Variants in PHF21B observed in about 807,000 individuals in gnomAD.
The protein encoded by PHF21B is PHD finger protein 21B.
PHF21B carries 22 observed loss-of-function variants against 62.2 expected under a neutral mutation model. The ratio of observed to expected loss-of-function variants is 0.35; its 90% CI spans 0.25 to 0.51. PHF21B has a LOEUF of 0.51. PHF21B is among the 20% of genes least tolerant of loss of function. The pLI, the probability that PHF21B is intolerant of heterozygous loss-of-function variation, is 0.97. For synonymous variants in PHF21B, 341 were observed against 314.7 expected, an observed-to-expected ratio of 1.08 and a Z score of -0.88; for missense variants, 701 against 707.9, an observed-to-expected ratio of 0.99 and a Z score of 0.11.
chr22:44,950,507 C>T (rs568414693), intron 2 of PHF21B, among the ~76,000 whole-genome samples: 100 of 152,306 alleles, frequency 6.6e-4, no homozygotes, highest in African/African-American at 2.1e-3. Flanking sequence ...CTAAGAGTGA[C>T]GCTCTCAGTG....
At chr22:45,007,400 T>A (rs1353535102) in intron 2 of PHF21B, among the ~76,000 whole-genome samples, 1 of 144,242 alleles carries the variant, frequency 6.9e-6, no homozygotes, top group Non-Finnish European at 1.5e-5. Flanking sequence ...GGGCGTCCGA[T>A]CCGGCGGCCC....
chr22:44,994,485 T>C (rs2073089281), intron 2 of PHF21B, among the ~76,000 whole-genome samples: 1 of 151,900 alleles, frequency 6.6e-6, no homozygotes, highest in African/African-American at 2.4e-5. Context: ...CCGGAGGGAG[T>C]GCGGCCCTGC....
At chr22:44,942,920 T>C (rs890991676) in intron 2 of PHF21B, among the ~76,000 whole-genome samples, 3 of 149,228 alleles carry the variant, frequency 2.0e-5, no homozygotes, top group Non-Finnish European at 4.4e-5. Context: ...TGTGACTCAG[T>C]GAAGAAAGGG....
At chr22:44,988,877 C>A (rs1164868255) in intron 2 of PHF21B, among the ~76,000 whole-genome samples, 1 of 152,234 alleles carries the variant, frequency 6.6e-6, no homozygotes, top group Non-Finnish European at 1.5e-5. Context: ...AGGGCCCCAG[C>A]AGATGGCAGT....
At chr22:44,888,987 T>C (rs1169431069) in intron 9 of PHF21B, among the ~76,000 whole-genome samples, 1 of 152,172 alleles carries the variant, frequency 6.6e-6, no homozygotes, top group Non-Finnish European at 1.5e-5. Flanking sequence ...CCGCCCTGGA[T>C]GGGCACAAGA....
intron 5 of PHF21B, among the ~76,000 whole-genome samples, chr22:44,907,471 G>A (rs556409698): frequency 4.6e-5 from 7 of 152,314 alleles, no homozygotes; most frequent in South Asian, 2.1e-4. Flanking sequence ...TGCCTGGTGC[G>A]GAGTGGGGCG....
intron 5 of PHF21B, among the ~76,000 whole-genome samples, chr22:44,906,855 G>T (rs919763346): frequency 3.9e-5 from 6 of 152,180 alleles, no homozygotes; most frequent in African/African-American, 1.4e-4. Context: ...TCAGAGTGGG[G>T]TGATGGCCAC....
intron 2 of PHF21B, among the ~76,000 whole-genome samples, chr22:44,923,331 C>CAAAAAAAAAAA (rs34100382): frequency 8.0e-6 from 1 of 125,104 alleles, no homozygotes; most frequent in African/African-American, 2.9e-5. Flanking sequence ...CATACCATAT[C>CAAAAAAAAAAA]AAAAAAAAAA....
Position 45,009,441 on chromosome 22 carries a change from C to T in PHF21B, c.54+55G>A. ...AGGATGCTGGGCTCGGGTCCCCCGACCCCCTCACCCCGCAACACACTCCCC... is the reference window on the plus strand; with the variant it reads ...AGGATGCTGGGCTCGGGTCCCCCGATCCCCTCACCCCGCAACACACTCCCC... On this transcript the variant is annotated intron_variant, in intron 1 of 12. Coordinates refer to ENST00000313237, the MANE Select transcript of PHF21B (RefSeq NM_138415.5). This position sits in a 1 kb window ranked among gnomAD's most constrained non-coding sequence, Gnocchi z 5.9. 2 of 1,463,604 alleles carry T rather than the reference C, an allele frequency of 1.4e-6. No homozygotes were observed. The highest frequency in any genetic ancestry group is 1.3e-5 in the South Asian group (1 of 78,970). 90.7% of individuals were successfully genotyped at this position (1,463,604 alleles called of 1,614,324 possible).
intron 2 of PHF21B, among the ~76,000 whole-genome samples, chr22:44,935,341 G>A (rs942758877): frequency 2.6e-5 from 4 of 152,130 alleles, no homozygotes; most frequent in South Asian, 2.1e-4. Context: ...ATGGCCGGGC[G>A]CGGTGGCTCA....
rs1340552940 is a variant in PHF21B at position 44,895,320 on chromosome 22, C to T, written c.883+712G>A. On this transcript the variant is annotated intron_variant, in intron 6 of 12. Coordinates refer to ENST00000313237, the MANE Select transcript of PHF21B (RefSeq NM_138415.5). ...ATTCTAGGATGACGTTCACAGCTCACGTGAGATTGCCCTCATCATTCTACG... is the reference window on the plus strand; with the variant it reads ...ATTCTAGGATGACGTTCACAGCTCATGTGAGATTGCCCTCATCATTCTACG... Among the ~76,000 whole-genome samples, 4 of 152,256 alleles carry T rather than the reference C, an allele frequency of 2.6e-5. No homozygotes were observed. In the East Asian group the frequency reaches 5.8e-4, roughly 22 times the overall value.
intron 5 of PHF21B, among the ~76,000 whole-genome samples, chr22:44,912,555 A>T (rs2071360688): frequency 6.6e-6 from 1 of 152,184 alleles, no homozygotes; most frequent in Non-Finnish European, 1.5e-5. Flanking sequence ...GCCGCCATGT[A>T]AGATGTGACT....
intron 3 of PHF21B, among the ~76,000 whole-genome samples, chr22:44,920,096 G>C (rs756721795): frequency 1.4e-4 from 21 of 152,232 alleles, no homozygotes; most frequent in Non-Finnish European, 2.6e-4. Flanking sequence ...AAGAAACAAT[G>C]CATAGGATGC....
At chr22:44,901,220 A>G (rs1378642985) in intron 5 of PHF21B, among the ~76,000 whole-genome samples, 1 of 152,204 alleles carries the variant, frequency 6.6e-6, no homozygotes, top group African/African-American at 2.4e-5. Context: ...CTAACTGGAC[A>G]GTGGCAGGGA....
chr22:44,905,935 C>T (rs929349728), intron 5 of PHF21B, among the ~76,000 whole-genome samples: 8 of 152,352 alleles, frequency 5.3e-5, no homozygotes, highest in East Asian at 1.9e-4. Flanking sequence ...CACGCTTACC[C>T]TTCCCTTTCA....
At chr22:44,958,478 GA>G (rs1331407564) in intron 2 of PHF21B, among the ~76,000 whole-genome samples, 1 of 151,924 alleles carries the variant, frequency 6.6e-6, no homozygotes, top group Non-Finnish European at 1.5e-5. Flanking sequence ...TGTTTTATCT[GA>G]AACTCCTTAG....
chr22:45,005,950 A>T (rs1010183190), intron 2 of PHF21B, among the ~76,000 whole-genome samples: 1 of 152,140 alleles, frequency 6.6e-6, no homozygotes, highest in African/African-American at 2.4e-5. Flanking sequence ...GGCCTCTTCA[A>T]AACCCTAGTT....
chr22:44,948,222 A>C (rs534716640), intron 2 of PHF21B, among the ~76,000 whole-genome samples: 2 of 152,376 alleles, frequency 1.3e-5, no homozygotes, highest in Admixed American at 1.3e-4. Flanking sequence ...ATAATGAAAT[A>C]ATTACACGAC....
rs2073384568 is a variant in PHF21B, at chr22:45,009,413, G to A, written c.54+83C>T. On this transcript the variant is annotated intron_variant, in intron 1 of 12. Coordinates refer to ENST00000313237, the MANE Select transcript of PHF21B (RefSeq NM_138415.5). This position sits in a 1 kb window ranked among gnomAD's most constrained non-coding sequence, Gnocchi z 5.9. ...GCCTGGAAGACCCAGAGACCCGGAA[G>A]AGAGGATGCTGGGCTCGGGTCCCCC... The A allele has an allele frequency of 5.9e-6, 8 of 1,360,472 alleles. No individual in the cohort carries two copies. Among genetic ancestry groups the A allele is most frequent in the Non-Finnish European group, 6.9e-6 (7 of 1,018,610 alleles). The allele number at this position is 1,360,472 out of a possible 1,614,324, so 84.3% of individuals were successfully genotyped here.
Sources: gnomAD v4.1 joint callset for allele counts (sites outside exome capture counted in the v4.1 genomes callset) on GRCh38, gnomAD v4.1.1 for gene constraint, Gnocchi (gnomAD v3.1) non-coding constraint, MANE v1.5 for transcripts, NCBI Gene and HGNC (gene_info 2026-07-23, HGNC 2026-07-21) for gene names.